DEXI: variants seen among roughly 807,000 people sequenced by gnomAD.
DEXI encodes the protein dexamethasone-induced protein.
DEXI carries 2 observed loss-of-function variants against 2.5 expected under a neutral mutation model. The observed-to-expected ratio is 0.81, with a 90% CI of 0.33 to 2.55. DEXI has a LOEUF of 2.55. DEXI is among the 30% of genes most tolerant of loss of function. DEXI has a pLI of 0.11. For missense variants in DEXI, 108 were observed against 130.3 expected (o/e 0.83, Z 0.83); for synonymous variants, 71 against 68.7 (o/e 1.03, Z -0.17).
At position 10,929,301 on chromosome 16, in the gene DEXI, C is replaced by T. The variant is rs2040672492; in HGVS notation, c.*408G>A. On this transcript the variant is annotated 3_prime_UTR_variant, in exon 2 of 2. Transcript: ENST00000331808. The surrounding 1 kb of genome is among the most constrained non-coding windows in gnomAD (Gnocchi z 4.3). ...AGGTGAAGTGGGGGAAGCAGGTGCG[C>T]TCCGGGATGAAGTGCAGGGAGGCAA... is the stretch of plus-strand genomic sequence containing the variant. 3.0e-6 allele frequency: 3 copies of T among 985,854 alleles called. No homozygotes were observed. The highest frequency in any genetic ancestry group is 1.2e-4 in the Admixed American group (2 of 16,276). The allele number at this position is 985,854 out of a possible 1,614,324, so 61.1% of individuals were successfully genotyped here.
chr16:10,931,741 A>G (rs2040805838), intron 1 of DEXI: 1 of 152,162 alleles, frequency 6.6e-6, no homozygotes, highest in South Asian at 2.1e-4. Context: ...AAAATACAAA[A>G]TTCGCTGGGC....
rs898988600 is a variant in DEXI at position 10,933,326 on chromosome 16, A to C, written c.*150-3767T>G. On this transcript the variant is annotated intron_variant, in intron 1 of 1. Transcript: ENST00000331808. ...GCCTGGTTCAGGATGTGGCTTAAGTAAGAAGATGGCCCTGGCGTTTTACGC... is the reference window on the plus strand; with the variant it reads ...GCCTGGTTCAGGATGTGGCTTAAGTCAGAAGATGGCCCTGGCGTTTTACGC... 3.3e-5 allele frequency: 5 copies of C among 152,412 alleles called. No individual in the cohort carries two copies. In the East Asian group the frequency reaches 7.7e-4, roughly 24 times the overall value. 9.4% of individuals were successfully genotyped at this position (152,412 alleles called of 1,614,324 possible). A position where few individuals can be genotyped will look rare whatever the true frequency, so the allele number is the denominator to read the frequency against.
In DEXI at chr16:10,940,108, G is replaced by GCC. The variant is rs2041081683; in HGVS notation, c.*149+1459_*149+1460dup. On this transcript the variant is annotated intron_variant, in intron 1 of 1. Coordinates refer to ENST00000331808, the MANE Select transcript of DEXI (RefSeq NM_014015.4). The surrounding 1 kb of genome is among the most constrained non-coding windows in gnomAD (Gnocchi z 4.2). Reference sequence around the variant, plus strand: ...ATCTCACTGTGAACCCATTAGGAGAGCCCTCTGCCGCCAGCTATGCTGTCA... The same window carrying GCC: ...ATCTCACTGTGAACCCATTAGGAGAGCCCCCTCTGCCGCCAGCTATGCTGTCA... The GCC allele has an allele frequency of 6.6e-6, 1 of 152,220 alleles. No homozygotes were observed. 9.4% of individuals were successfully genotyped at this position (152,220 alleles called of 1,614,324 possible).
Position 10,938,275 on chromosome 16 carries a change from GC to G in DEXI, c.*149+3293del, listed in dbSNP as rs1222277320. 2 of 151,886 alleles carry G rather than the reference GC, an allele frequency of 1.3e-5. No homozygotes were observed. The highest frequency in any genetic ancestry group is 1.5e-5 in the Non-Finnish European group (1 of 67,986). The allele number at this position is 151,886 out of a possible 1,614,324, so 9.4% of individuals were successfully genotyped here. ...AGCTACCCTGGGATGTGAACCCAGG[GC>G]CCTGGCTCTTAACCATGACCCTAAT... is the stretch of plus-strand genomic sequence containing the variant. On this transcript the variant is annotated intron_variant, in intron 1 of 1. Coordinates refer to ENST00000331808, the MANE Select transcript of DEXI (RefSeq NM_014015.4). The surrounding 1 kb of genome is among the most constrained non-coding windows in gnomAD (Gnocchi z 4.9).
At position 10,939,545 on chromosome 16, in the gene DEXI, C is replaced by G. The variant is rs75577312; in HGVS notation, c.*149+2024G>C. On this transcript the variant is annotated intron_variant, in intron 1 of 1. Coordinates refer to ENST00000331808, the MANE Select transcript of DEXI (RefSeq NM_014015.4). The surrounding 1 kb of genome is among the most constrained non-coding windows in gnomAD (Gnocchi z 4.9). ...CTCTCACCTGAAGGTCTTGGCACCA[C>G]TGATTCCCTCAGCCTGGACTGCTTT... The G allele has an allele frequency of 0.12, 18,967 of 152,332 alleles. 1,197 individuals carry two copies. Among genetic ancestry groups the G allele is most frequent in the African/African-American group, 0.14 (5,863 of 41,546 alleles). 9.4% of individuals were successfully genotyped at this position (152,332 alleles called of 1,614,324 possible).
In DEXI at chr16:10,929,604, C is replaced by T. The variant is rs2040689527; in HGVS notation, c.*150-45G>A. The stretch of plus-strand genomic sequence containing the variant: ...GGGGTTATTAGCACGGAAGCCCCAC[C>T]CTGCCACCAGGTTGGCTGGGGACAG... On this transcript the variant is annotated intron_variant, in intron 1 of 1. Coordinates refer to ENST00000331808, the MANE Select transcript of DEXI (RefSeq NM_014015.4). The surrounding 1 kb of genome is among the most constrained non-coding windows in gnomAD (Gnocchi z 4.3). 15 of 980,386 alleles carry T rather than the reference C, an allele frequency of 1.5e-5. No individual in the cohort carries two copies. The highest frequency in any genetic ancestry group is 1.7e-5 in the Non-Finnish European group (14 of 825,452). 60.7% of individuals were successfully genotyped at this position (980,386 alleles called of 1,614,324 possible).
rs1238262881 is a variant in DEXI at position 10,937,953 on chromosome 16, G to A, written c.*149+3616C>T. On this transcript the variant is annotated intron_variant, in intron 1 of 1. Transcript: ENST00000331808. This position sits in a 1 kb window ranked among gnomAD's most constrained non-coding sequence, Gnocchi z 4.2. ...GTCTCCCCCAGCTAGGCTAGACCTGGACCTCCCTGGCACTCAGGCAGCCTG... is the reference window on the plus strand; with the variant it reads ...GTCTCCCCCAGCTAGGCTAGACCTGAACCTCCCTGGCACTCAGGCAGCCTG... The A allele has an allele frequency of 6.6e-6, 1 of 152,250 alleles. No homozygotes were observed. Among genetic ancestry groups the A allele is most frequent in the Non-Finnish European group, 1.5e-5 (1 of 68,088 alleles). 9.4% of individuals were successfully genotyped at this position (152,250 alleles called of 1,614,324 possible).
chr16:10,940,352 C>G lies in DEXI; in HGVS notation c.*149+1217G>C, dbSNP rs2041085636. 6.6e-6 allele frequency: 1 copy of G among 152,256 alleles called. No individual in the cohort carries two copies. The highest frequency in any genetic ancestry group is 1.5e-5 in the Non-Finnish European group (1 of 68,054). The allele number at this position is 152,256 out of a possible 1,614,324, so 9.4% of individuals were successfully genotyped here. On this transcript the variant is annotated intron_variant, in intron 1 of 1. Coordinates refer to ENST00000331808, the MANE Select transcript of DEXI (RefSeq NM_014015.4). The surrounding 1 kb of genome is among the most constrained non-coding windows in gnomAD (Gnocchi z 4.2). ...TTTAAGTCCCCCAGCCTATGGTGTTCTGTTATAGCAGACTGAACTAAGACA... is the reference window on the plus strand; with the variant it reads ...TTTAAGTCCCCCAGCCTATGGTGTTGTGTTATAGCAGACTGAACTAAGACA...
At chr16:10,930,293 G>A (rs922292203) in intron 1 of DEXI, 1 of 152,256 alleles carries the variant, frequency 6.6e-6, no homozygotes, top group African/African-American at 2.4e-5. Context: ...CATGTGACAT[G>A]TATTGTTGTT....
At position 10,934,085 on chromosome 16, in the gene DEXI, T is replaced by C; in HGVS notation, c.*150-4526A>G. ...GGATTTGCACGTTGGCTGCCAAAGC[T>C]GATCAGCAGCGGGCTTTGTGAAGAT... On this transcript the variant is annotated intron_variant, in intron 1 of 1. Transcript: ENST00000331808. This position sits in a 1 kb window ranked among gnomAD's most constrained non-coding sequence, Gnocchi z 4.2. 1 of 152,242 alleles carries C rather than the reference T, an allele frequency of 6.6e-6. No homozygotes were observed. Among genetic ancestry groups the C allele is most frequent in the East Asian group, 1.9e-4 (1 of 5,200 alleles). 9.4% of individuals were successfully genotyped at this position (152,242 alleles called of 1,614,324 possible).
chr16:10,929,035 C>G lies in DEXI; in HGVS notation c.*674G>C, dbSNP rs1173078072. ...AGGGGAGTAACGTGGCACTCACCAG[C>G]ATGATGTCTGTTTTGCCAACTTGCT... is the stretch of plus-strand genomic sequence containing the variant. On this transcript the variant is annotated 3_prime_UTR_variant, in exon 2 of 2. Transcript: ENST00000331808. This position sits in a 1 kb window ranked among gnomAD's most constrained non-coding sequence, Gnocchi z 4.3. 1 of 187,758 alleles carries G rather than the reference C, an allele frequency of 5.3e-6. No homozygotes were observed. The highest frequency in any genetic ancestry group is 1.0e-5 in the Non-Finnish European group (1 of 100,286). 11.6% of individuals were successfully genotyped at this position (187,758 alleles called of 1,614,324 possible). A position where few individuals can be genotyped will look rare whatever the true frequency, so the allele number is the denominator to read the frequency against.
At chr16:10,931,009 T>C (rs895029141) in intron 1 of DEXI, 1 of 152,198 alleles carries the variant, frequency 6.6e-6, no homozygotes, top group African/African-American at 2.4e-5. Context: ...CCATCTCAGA[T>C]TTGTGTGGAT....
intron 1 of DEXI, chr16:10,931,621 A>G (rs574533506): frequency 6.6e-6 from 1 of 152,338 alleles, no homozygotes; most frequent in East Asian, 1.9e-4. Flanking sequence ...AGGTGGGTGG[A>G]TCAGTTGAGA....
At chr16:10,931,942 A>G (rs1230879624) in intron 1 of DEXI, 1 of 152,242 alleles carries the variant, frequency 6.6e-6, no homozygotes, top group Non-Finnish European at 1.5e-5. Flanking sequence ...AAAAGGAGCC[A>G]ATTTAAAGAA....
rs182936297 is a variant in DEXI at position 10,937,412 on chromosome 16, T to C, written c.*149+4157A>G. On this transcript the variant is annotated intron_variant, in intron 1 of 1. Transcript: ENST00000331808. This position sits in a 1 kb window ranked among gnomAD's most constrained non-coding sequence, Gnocchi z 4.2. The stretch of plus-strand genomic sequence containing the variant: ...ATGTCCGGCACAGGGGTTCTGCTGA[T>C]AGCACAGGCCACAGATTGGCAAGGA... The C allele has an allele frequency of 1.3e-5, 2 of 152,446 alleles. No individual in the cohort carries two copies. The highest frequency in any genetic ancestry group is 4.8e-5 in the African/African-American group (2 of 41,564). 9.4% of individuals were successfully genotyped at this position (152,446 alleles called of 1,614,324 possible). A position where few individuals can be genotyped will look rare whatever the true frequency, so the allele number is the denominator to read the frequency against.
At position 10,939,123 on chromosome 16, in the gene DEXI, C is replaced by G. The variant is rs1238225115; in HGVS notation, c.*149+2446G>C. 1 of 152,118 alleles carries G rather than the reference C, an allele frequency of 6.6e-6. No individual in the cohort carries two copies. The highest frequency in any genetic ancestry group is 2.4e-5 in the African/African-American group (1 of 41,420). The allele number at this position is 152,118 out of a possible 1,614,324, so 9.4% of individuals were successfully genotyped here. ...TGCAAAGGGCCTAGACACAGGAGTGCGATACAATCAATGCTCAGTACAGAT... is the reference window on the plus strand; with the variant it reads ...TGCAAAGGGCCTAGACACAGGAGTGGGATACAATCAATGCTCAGTACAGAT... On this transcript the variant is annotated intron_variant, in intron 1 of 1. Transcript: ENST00000331808. This position sits in a 1 kb window ranked among gnomAD's most constrained non-coding sequence, Gnocchi z 4.9.
rs2040936578 is a variant in DEXI at position 10,934,423 on chromosome 16, T to C, written c.*150-4864A>G. 1.3e-5 allele frequency: 2 copies of C among 152,112 alleles called. No individual in the cohort carries two copies. The highest frequency in any genetic ancestry group is 6.6e-5 in the Admixed American group (1 of 15,264). 9.4% of individuals were successfully genotyped at this position (152,112 alleles called of 1,614,324 possible). ...CCTGTATAACTGAGCCTTGTGCCAG[T>C]TAAAAGGGCAAAGCAGTAGGTGCTC... On this transcript the variant is annotated intron_variant, in intron 1 of 1. Coordinates refer to ENST00000331808, the MANE Select transcript of DEXI (RefSeq NM_014015.4). This position sits in a 1 kb window ranked among gnomAD's most constrained non-coding sequence, Gnocchi z 4.2.
At chr16:10,935,166 G>A (rs549708330) in intron 1 of DEXI, 1 of 152,328 alleles carries the variant, frequency 6.6e-6, no homozygotes, top group East Asian at 1.9e-4. Flanking sequence ...GGTGGAGCTG[G>A]GATTTAAACC....
Position 10,941,483 on chromosome 16 carries a change from AGG to A in DEXI, c.*149+84_*149+85del. On this transcript the variant is annotated intron_variant, in intron 1 of 1. Coordinates refer to ENST00000331808, the MANE Select transcript of DEXI (RefSeq NM_014015.4). The surrounding 1 kb of genome is among the most constrained non-coding windows in gnomAD (Gnocchi z 6.4). ...GGTGAACGGAGGAGAAGCCTGAGGG[AGG>A]GGTGTGTATCCGGCCTGGGAATTCC... 7.8e-7 allele frequency: 1 copy of A among 1,278,432 alleles called. No homozygotes were observed. Among genetic ancestry groups the A allele is most frequent in the East Asian group, 3.1e-5 (1 of 32,674 alleles). 79.2% of individuals were successfully genotyped at this position (1,278,432 alleles called of 1,614,324 possible).
Sources: gnomAD v4.1 joint callset for allele counts on GRCh38, gnomAD v4.1.1 for gene constraint, Gnocchi (gnomAD v3.1) non-coding constraint, MANE v1.5 for transcripts, NCBI Gene and HGNC (gene_info 2026-07-23, HGNC 2026-07-21) for gene names.